CBFB: variants seen among roughly 807,000 people sequenced by gnomAD.
CBFB encodes core-binding factor subunit beta, also known as CBF-beta.
In CBFB, 9 loss-of-function variants were observed where a neutral mutation model predicts 30.4. The observed-to-expected ratio is 0.30, with a 90% CI of 0.18 to 0.52. The LOEUF is 0.52. Ranked by LOEUF, CBFB falls within the 20% of genes least tolerant of loss-of-function variation. CBFB has a pLI of 0.97. For missense variants in CBFB, 170 were observed against 244.0 expected, an observed-to-expected ratio of 0.70 and a Z score of 2.02; for synonymous variants, 94 against 84.0, an observed-to-expected ratio of 1.12 and a Z score of -0.65.
chr16:67,085,212 C>T (rs1254684222), intron 5 of CBFB, among the ~76,000 whole-genome samples: 1 of 151,926 alleles, frequency 6.6e-6, no homozygotes, highest in Non-Finnish European at 1.5e-5. Context: ...TTCTGTCGCC[C>T]AGGCTGGAGT....
intron 3 of CBFB, among the ~76,000 whole-genome samples, chr16:67,046,198 C>G (rs1374746111): frequency 2.0e-5 from 3 of 152,050 alleles, no homozygotes; most frequent in African/African-American, 7.2e-5. Flanking sequence ...CCTCTGCCTC[C>G]TGGGCTCAAG....
chr16:67,063,946 A>G (rs1960982057), intron 3 of CBFB, among the ~76,000 whole-genome samples: 1 of 152,182 alleles, frequency 6.6e-6, no homozygotes, highest in African/African-American at 2.4e-5. Context: ...ATTTTTATAT[A>G]ATTAAACAGG....
At chr16:67,080,368 C>T (rs1373135716) in intron 4 of CBFB, among the ~76,000 whole-genome samples, 1 of 151,930 alleles carries the variant, frequency 6.6e-6, no homozygotes, top group East Asian at 1.9e-4. Flanking sequence ...GAAGAGGAGA[C>T]TGAAGATTCC....
At chr16:67,096,923 C>T (rs1403534840) in intron 5 of CBFB, among the ~76,000 whole-genome samples, 1 of 136,372 alleles carries the variant, frequency 7.3e-6, no homozygotes, top group African/African-American at 2.8e-5. Flanking sequence ...GCGACTCCGT[C>T]TCAAAAAAAA....
intron 5 of CBFB, among the ~76,000 whole-genome samples, chr16:67,094,638 T>G (rs1961987626): frequency 6.6e-6 from 1 of 152,240 alleles, no homozygotes; most frequent in Non-Finnish European, 1.5e-5. Context: ...TTTATTTTTC[T>G]CAGTGTTTCT....
intron 5 of CBFB, among the ~76,000 whole-genome samples, chr16:67,095,078 G>T (rs1029503067): frequency 2.6e-5 from 4 of 151,630 alleles, no homozygotes; most frequent in African/African-American, 7.3e-5. Flanking sequence ...AGTTAGTCGG[G>T]CATGGAAGCG....
intron 3 of CBFB, among the ~76,000 whole-genome samples, chr16:67,060,037 C>T (rs892156861): frequency 4.0e-5 from 6 of 151,330 alleles, no homozygotes; most frequent in Non-Finnish European, 7.4e-5. Flanking sequence ...TGCAGTGGCA[C>T]GATCATGGCT....
chr16:67,038,812 C>CAGTTT (rs1966486683), intron 3 of CBFB, among the ~76,000 whole-genome samples: 1 of 151,706 alleles, frequency 6.6e-6, no homozygotes. Flanking sequence ...CAGCTTTAGC[C>CAGTTT]CAAAACTATT....
At chr16:67,098,593 G>T in intron 5 of CBFB, 117 bp from the exon 6 acceptor site, 4 of 611,926 alleles carry the variant, frequency 6.5e-6, no homozygotes, top group South Asian at 4.5e-5. Context: ...GACTATATTG[G>T]CTGAAAACTT....
chr16:67,033,651 G>A (rs547203805), intron 2 of CBFB, among the ~76,000 whole-genome samples: 23 of 145,398 alleles, frequency 1.6e-4, no homozygotes, highest in Admixed American at 4.9e-4. Context: ...TTGCTCTGTC[G>A]CCCAGGCTGG....
chr16:67,061,377 G>A (rs1398704307), intron 3 of CBFB, among the ~76,000 whole-genome samples: 1 of 152,046 alleles, frequency 6.6e-6, no homozygotes, highest in Non-Finnish European at 1.5e-5. Context: ...TAGGACAATG[G>A]GTTTAATCCC....
At chr16:67,060,681 G>A (rs570112105) in intron 3 of CBFB, among the ~76,000 whole-genome samples, 4 of 152,148 alleles carry the variant, frequency 2.6e-5, no homozygotes, top group South Asian at 2.1e-4. Flanking sequence ...TCAGCCTCCC[G>A]AGTAGCTGGG....
rs758878433 is a variant in CBFB, at chr16:67,036,615, T to C, written c.166-24T>C. ...TTATGTAATGTCCTGCTCCTGATCC[T>C]GTTTGTATTGATTTTTCTAAAAGGC... On this transcript the variant is annotated intron_variant, in intron 2 of 5. Coordinates refer to ENST00000412916, the MANE Select transcript of CBFB (RefSeq NM_022845.3). The C allele has an allele frequency of 1.2e-5, 16 of 1,297,140 alleles. No individual in the cohort carries two copies. The African/African-American group carries it at 1.6e-4, about 13-fold the overall frequency. 80.4% of individuals were successfully genotyped at this position (1,297,140 alleles called of 1,614,324 possible).
intron 5 of CBFB, among the ~76,000 whole-genome samples, chr16:67,088,172 C>A (rs1221309698): frequency 1.3e-5 from 2 of 152,174 alleles, no homozygotes; most frequent in Non-Finnish European, 2.9e-5. Context: ...CATGCACTGG[C>A]AATCACATAG....
chr16:67,070,059 A>G (rs900746260), intron 4 of CBFB, among the ~76,000 whole-genome samples: 1 of 152,252 alleles, frequency 6.6e-6, no homozygotes, highest in South Asian at 2.1e-4. Flanking sequence ...TGTTTGCTTG[A>G]TATTAACCTT....
chr16:67,051,249 C>T (rs1454320942), intron 3 of CBFB, among the ~76,000 whole-genome samples: 2 of 151,990 alleles, frequency 1.3e-5, no homozygotes, highest in Non-Finnish European at 2.9e-5. Flanking sequence ...ACTGATGTTC[C>T]GTATGGTAGC....
intron 5 of CBFB, among the ~76,000 whole-genome samples, chr16:67,083,443 A>C (rs1961628397): frequency 6.6e-6 from 1 of 151,750 alleles, no homozygotes; most frequent in Non-Finnish European, 1.5e-5. Flanking sequence ...TTACAGGCGC[A>C]CACCACCATG....
chr16:67,067,139 T>C (rs1961082099), intron 4 of CBFB, among the ~76,000 whole-genome samples: 1 of 151,772 alleles, frequency 6.6e-6, no homozygotes, highest in East Asian at 1.9e-4. Context: ...AGCCGTGCTT[T>C]TGGAATGCTT....
Position 67,100,865 on chromosome 16 carries a change from T to C in CBFB, c.*2087T>C. On this transcript the variant is annotated 3_prime_UTR_variant, in exon 6 of 6. Transcript: ENST00000412916. ...TAGTACAGGCTTTGAAAACTACTTCTATTAAGTTATTGATGCAATTTGATA... is the reference window on the plus strand; with the variant it reads ...TAGTACAGGCTTTGAAAACTACTTCCATTAAGTTATTGATGCAATTTGATA... 4.9e-6 allele frequency: 1 copy of C among 203,526 alleles called. No homozygotes were observed. The highest frequency in any genetic ancestry group is 1.0e-5 in the Non-Finnish European group (1 of 98,880). The allele number at this position is 203,526 out of a possible 1,614,324, so 12.6% of individuals were successfully genotyped here.
Sources: gnomAD v4.1 joint callset for allele counts (sites outside exome capture counted in the v4.1 genomes callset) on GRCh38, gnomAD v4.1.1 for gene constraint, MANE v1.5 for transcripts, NCBI Gene and HGNC (gene_info 2026-07-23, HGNC 2026-07-21) for gene names.